The following ARHGAP15 variants were observed in gnomAD, a reference collection of about 807,000 sequenced individuals.
The protein encoded by ARHGAP15 is Rho GTPase activating protein 15.
ARHGAP15 carries 51 observed loss-of-function variants against 63.7 expected under a neutral mutation model. The ratio of observed to expected loss-of-function variants is 0.80; its 90% CI spans 0.64 to 1.01. The LOEUF (loss-of-function observed/expected upper bound fraction) is 1.01. Ranked by LOEUF, ARHGAP15 falls within the 50% of genes least tolerant of loss-of-function variation. ARHGAP15 has a pLI of 0.00. For synonymous variants in ARHGAP15, 191 were observed against 193.8 expected, an observed-to-expected ratio of 0.99 and a Z score of 0.12; for missense variants, 560 against 564.6, an observed-to-expected ratio of 0.99 and a Z score of 0.08.
intron 6 of ARHGAP15, among the ~76,000 whole-genome samples, chr2:143,361,008 C>T (rs979251246): frequency 4.1e-5 from 6 of 146,626 alleles, no homozygotes; most frequent in Non-Finnish European, 7.6e-5. Flanking sequence ...TTTGTAACAC[C>T]GTCCATGTCT....
Position 143,437,739 on chromosome 2 carries a change from C to T in ARHGAP15, c.703+697C>T, listed in dbSNP as rs80335952. Reference sequence around the variant, plus strand: ...TCAACCTCCTGAAAGAAAAGGTAGACATCTGGCTGGGCGAGGTAGCTCACG... The same window carrying T: ...TCAACCTCCTGAAAGAAAAGGTAGATATCTGGCTGGGCGAGGTAGCTCACG... On this transcript the variant is annotated intron_variant, in intron 8 of 13. Coordinates refer to ENST00000295095, the MANE Select transcript of ARHGAP15 (RefSeq NM_018460.4). Among the ~76,000 whole-genome samples the T allele has an allele frequency of 0.01, 1,598 of 152,244 alleles. 56 individuals carry two copies. In the East Asian group the frequency reaches 0.11, roughly 10 times the overall value.
rs76836120 is a variant in ARHGAP15, at chr2:143,221,681, T to G, written c.296+5236T>G. 9.6e-3 allele frequency among the ~76,000 whole-genome samples: 1,469 copies of G among 152,318 alleles called. 13 individuals carry two copies. The highest frequency in any genetic ancestry group is 0.017 in the Middle Eastern group (5 of 294). ...AGTCTCAGCACCACAAACTTTCTTC[T>G]CCCTCGGCATCTAGGTCTTCCCGTC... On this transcript the variant is annotated intron_variant, in intron 4 of 13. Coordinates refer to ENST00000295095, the MANE Select transcript of ARHGAP15 (RefSeq NM_018460.4).
intron 9 of ARHGAP15, among the ~76,000 whole-genome samples, chr2:143,502,105 G>A (rs991131597): frequency 2.6e-5 from 4 of 152,124 alleles, no homozygotes; most frequent in Non-Finnish European, 5.9e-5. Context: ...TTCTAGGAAT[G>A]GTAGTAAAAG....
chr2:143,760,157 GAACT>G (rs1041300080), intron 13 of ARHGAP15, among the ~76,000 whole-genome samples: 30 of 152,138 alleles, frequency 2.0e-4, no homozygotes, highest in Middle Eastern at 3.4e-3. Flanking sequence ...AGATTTTTAT[GAACT>G]AATAAATGGT....
At chr2:143,714,592 C>T (rs1349530387) in intron 13 of ARHGAP15, among the ~76,000 whole-genome samples, 1 of 152,244 alleles carries the variant, frequency 6.6e-6, no homozygotes, top group Non-Finnish European at 1.5e-5. Flanking sequence ...AACTTTTATG[C>T]TCTGTTTCCC....
chr2:143,153,603 T>G (rs1323870905), intron 1 of ARHGAP15, among the ~76,000 whole-genome samples: 1 of 151,968 alleles, frequency 6.6e-6, no homozygotes, highest in Non-Finnish European at 1.5e-5. Flanking sequence ...TGTAAATGCC[T>G]ATGAAACCAA....
chr2:143,342,393 A>G (rs1685096431), intron 6 of ARHGAP15, among the ~76,000 whole-genome samples: 1 of 152,098 alleles, frequency 6.6e-6, no homozygotes, highest in Non-Finnish European at 1.5e-5. Context: ...AATAGGAAAG[A>G]TGATTTACTT....
intron 12 of ARHGAP15, among the ~76,000 whole-genome samples, chr2:143,643,274 G>A (rs567989463): frequency 9.9e-4 from 150 of 152,084 alleles, no homozygotes; most frequent in African/African-American, 3.5e-3. Context: ...TATAACCTTG[G>A]GCAAGTGACC....
chr2:143,309,896 A>G (rs968083192), intron 6 of ARHGAP15, among the ~76,000 whole-genome samples: 1 of 141,678 alleles, frequency 7.1e-6, no homozygotes, highest in East Asian at 2.0e-4. Context: ...GTGTGTGTGT[A>G]TACACACATG....
At chr2:143,256,616 G>C (rs1006172313) in intron 6 of ARHGAP15, among the ~76,000 whole-genome samples, 10 of 152,072 alleles carry the variant, frequency 6.6e-5, no homozygotes, top group African/African-American at 2.4e-4. Context: ...AGGGACAATA[G>C]TGACACTTAT....
At chr2:143,374,628 A>C (rs1367173314) in intron 6 of ARHGAP15, among the ~76,000 whole-genome samples, 4 of 151,898 alleles carry the variant, frequency 2.6e-5, no homozygotes, top group African/African-American at 9.7e-5. Context: ...TCAGCCCCCT[A>C]AGTAGCTGTG....
At position 143,296,795 on chromosome 2, in the gene ARHGAP15, A is replaced by G. The variant is rs547826779; in HGVS notation, c.474+46195A>G. On this transcript the variant is annotated intron_variant, in intron 6 of 13. Coordinates refer to ENST00000295095, the MANE Select transcript of ARHGAP15 (RefSeq NM_018460.4). ...GCCTGTGTATTAAGCCCAGTACCCA[A>G]TAGTTATTCTTCCTGATCTTCTCCC... 7.9e-5 allele frequency among the ~76,000 whole-genome samples: 12 copies of G among 151,776 alleles called. 1 individual carries two copies. The highest frequency in any genetic ancestry group is 1.6e-4 in the Non-Finnish European group (11 of 67,934).
intron 6 of ARHGAP15, among the ~76,000 whole-genome samples, chr2:143,296,240 G>A (rs1682628993): frequency 6.6e-6 from 1 of 151,950 alleles, no homozygotes. Context: ...AGAGCACTTC[G>A]AGTGACATCA....
At chr2:143,583,339 C>A (rs965248197) in intron 11 of ARHGAP15, among the ~76,000 whole-genome samples, 1 of 152,120 alleles carries the variant, frequency 6.6e-6, no homozygotes, top group African/African-American at 2.4e-5. Context: ...ATTGTTCCTG[C>A]AAGATGTATT....
chr2:143,210,450 A>C (rs1692522121), intron 3 of ARHGAP15, among the ~76,000 whole-genome samples: 1 of 152,140 alleles, frequency 6.6e-6, no homozygotes, highest in Non-Finnish European at 1.5e-5. Flanking sequence ...TTAGGGGTGA[A>C]TAAATCAGAG....
At chr2:143,594,740 A>G (rs1360526304) in intron 11 of ARHGAP15, among the ~76,000 whole-genome samples, 1 of 152,176 alleles carries the variant, frequency 6.6e-6, no homozygotes, top group Non-Finnish European at 1.5e-5. Context: ...CATGACACAT[A>G]ATATTTACCT....
At chr2:143,344,315 T>C (rs1685178951) in intron 6 of ARHGAP15, 1 of 152,142 alleles carries the variant, frequency 6.6e-6, no homozygotes, top group Non-Finnish European at 1.5e-5. Context: ...GTATAGATTG[T>C]CTCTAAACTG....
At chr2:143,705,878 A>T (rs181693915) in intron 13 of ARHGAP15, among the ~76,000 whole-genome samples, 2 of 152,324 alleles carry the variant, frequency 1.3e-5, no homozygotes, top group African/African-American at 4.8e-5. Context: ...CAGGCCACAT[A>T]ATCCCAGTTT....
intron 6 of ARHGAP15, among the ~76,000 whole-genome samples, chr2:143,325,546 G>A (rs111275279): frequency 4.6e-5 from 7 of 152,006 alleles, no homozygotes; most frequent in South Asian, 2.1e-4. Context: ...ATTATCAAAC[G>A]GAAAATATTT....
Sources: gnomAD v4.1 joint callset for allele counts (sites outside exome capture counted in the v4.1 genomes callset) on GRCh38, gnomAD v4.1.1 for gene constraint, MANE v1.5 for transcripts, NCBI Gene and HGNC (gene_info 2026-07-23, HGNC 2026-07-21) for gene names.